AGAP1: variants seen among roughly 807,000 people sequenced by gnomAD.
The protein encoded by AGAP1 is arf-GAP with GTPase, ANK repeat and PH domain-containing protein 1.
AGAP1 carries 29 observed loss-of-function variants against 105.3 expected under a neutral mutation model. The observed-to-expected ratio is 0.28, with a 90% CI of 0.21 to 0.38. AGAP1 has a LOEUF of 0.38. Among genes scored for constraint, AGAP1 ranks in the 10% least tolerant of loss-of-function variants. AGAP1 has a pLI of 1.00. For synonymous variants in AGAP1, 509 were observed against 485.9 expected (o/e 1.05, Z -0.63); for missense variants, 998 against 1,165.1 (o/e 0.86, Z 2.09).
At chr2:235,680,890 G>C in intron 1 of AGAP1, among the ~76,000 whole-genome samples, 1 of 152,192 alleles carries the variant, frequency 6.6e-6, no homozygotes, top group Non-Finnish European at 1.5e-5. Flanking sequence ...GCTGACACTG[G>C]GACTGTGAAC....
chr2:235,951,733 T>C lies in AGAP1; in HGVS notation c.1484-16729T>C, dbSNP rs1469454977. 1.3e-5 allele frequency among the ~76,000 whole-genome samples: 2 copies of C among 152,182 alleles called. No homozygotes were observed. The highest frequency in any genetic ancestry group is 3.9e-4 in the East Asian group (2 of 5,180). On this transcript the variant is annotated intron_variant, in intron 12 of 17. Transcript: ENST00000304032. The surrounding 1 kb of genome is among the most constrained non-coding windows in gnomAD (Gnocchi z 4.2). ...TTGGTACAAAATAAACATTTCCTCCTATCCTGGATGACTGGAGCCTTGGGC... is the reference window on the plus strand; with the variant it reads ...TTGGTACAAAATAAACATTTCCTCCCATCCTGGATGACTGGAGCCTTGGGC...
intron 5 of AGAP1, among the ~76,000 whole-genome samples, chr2:235,749,918 C>A (rs1953291017): frequency 6.6e-6 from 1 of 152,184 alleles, no homozygotes; most frequent in Non-Finnish European, 1.5e-5. Flanking sequence ...CAAATGGGGG[C>A]TCAGTGAGCA....
chr2:235,708,841 C>A (rs1367316415), intron 1 of AGAP1, among the ~76,000 whole-genome samples: 1 of 152,208 alleles, frequency 6.6e-6, no homozygotes, highest in African/African-American at 2.4e-5. Flanking sequence ...CCACACTTGC[C>A]AACAGGCACA....
At chr2:236,052,784 T>C (rs988295562) in intron 16 of AGAP1, among the ~76,000 whole-genome samples, 7 of 152,124 alleles carry the variant, frequency 4.6e-5, no homozygotes, top group African/African-American at 1.2e-4. Flanking sequence ...CCCTCTGTAA[T>C]GGGGGTTTAA....
chr2:235,784,998 T>C (rs1956533406), intron 6 of AGAP1, among the ~76,000 whole-genome samples: 1 of 152,230 alleles, frequency 6.6e-6, no homozygotes, highest in South Asian at 2.1e-4. Context: ...ATACATTGTA[T>C]AATTCAACCT....
At chr2:235,990,329 C>T (rs1314546488) in intron 13 of AGAP1, among the ~76,000 whole-genome samples, 4 of 152,202 alleles carry the variant, frequency 2.6e-5, no homozygotes, top group South Asian at 2.1e-4. Context: ...CCTGCAAAGA[C>T]GCTTCCCTGC....
At chr2:235,949,222 A>T (rs1315882097) in intron 12 of AGAP1, among the ~76,000 whole-genome samples, 1 of 152,202 alleles carries the variant, frequency 6.6e-6, no homozygotes, top group Non-Finnish European at 1.5e-5. Context: ...CCAAAATCCG[A>T]AGGGCTCCAT....
intron 13 of AGAP1, among the ~76,000 whole-genome samples, chr2:236,026,411 T>A (rs2057055443): frequency 6.6e-6 from 1 of 152,266 alleles, no homozygotes; most frequent in East Asian, 1.9e-4. Flanking sequence ...CTGACCTGAT[T>A]GTGTGACTGG....
In AGAP1 at chr2:235,964,750, C is replaced by T. The variant is rs1315175382; in HGVS notation, c.1484-3712C>T. ...TCAGAAATACATATAAGAACCACTA[C>T]TTTAGAAATATCAGTATTGTAAAAT... is the stretch of plus-strand genomic sequence containing the variant. On this transcript the variant is annotated intron_variant, in intron 12 of 17. Coordinates refer to ENST00000304032, the MANE Select transcript of AGAP1 (RefSeq NM_001037131.3). The surrounding 1 kb of genome is among the most constrained non-coding windows in gnomAD (Gnocchi z 4.6). Among the ~76,000 whole-genome samples, 1 of 152,060 alleles carries T rather than the reference C, an allele frequency of 6.6e-6. No homozygotes were observed. The highest frequency in any genetic ancestry group is 1.5e-5 in the Non-Finnish European group (1 of 68,032).
At chr2:235,544,778 G>A (rs1011401006) in intron 1 of AGAP1, among the ~76,000 whole-genome samples, 4 of 152,150 alleles carry the variant, frequency 2.6e-5, no homozygotes, top group Non-Finnish European at 5.9e-5. Flanking sequence ...TCCAGTTGAT[G>A]TAAAATCTGT....
rs549180440 is a variant in AGAP1, at chr2:236,069,916, C to CT, written c.2114+20636dup. ...AAAATTTGGTTAGATTTTTAATAAG[C>CT]TATCTATGACATCAGAGCCGTAGAG... On this transcript the variant is annotated intron_variant, in intron 16 of 17. Coordinates refer to ENST00000304032, the MANE Select transcript of AGAP1 (RefSeq NM_001037131.3). 2.1e-3 allele frequency among the ~76,000 whole-genome samples: 327 copies of CT among 152,324 alleles called. 1 individual carries two copies. Among genetic ancestry groups the CT allele is most frequent in the Non-Finnish European group, 3.9e-3 (265 of 68,036 alleles).
At chr2:235,699,220 C>T (rs570737371) in intron 1 of AGAP1, among the ~76,000 whole-genome samples, 35 of 152,250 alleles carry the variant, frequency 2.3e-4, no homozygotes, top group African/African-American at 7.9e-4. Flanking sequence ...GGCATGGGAA[C>T]AGCGGATGAG....
intron 1 of AGAP1, among the ~76,000 whole-genome samples, chr2:235,603,280 C>T (rs1945798843): frequency 6.6e-6 from 1 of 152,184 alleles, no homozygotes; most frequent in Non-Finnish European, 1.5e-5. Flanking sequence ...ATTGTGAGGC[C>T]TCCCCAGCCA....
At position 235,927,612 on chromosome 2, in the gene AGAP1, G is replaced by A. The variant is rs2052516754; in HGVS notation, c.1325-3153G>A. Among the ~76,000 whole-genome samples the A allele has an allele frequency of 6.6e-6, 1 of 152,210 alleles. No homozygotes were observed. Among genetic ancestry groups the A allele is most frequent in the African/African-American group, 2.4e-5 (1 of 41,452 alleles). On this transcript the variant is annotated intron_variant, in intron 11 of 17. Transcript: ENST00000304032. This position sits in a 1 kb window ranked among gnomAD's most constrained non-coding sequence, Gnocchi z 4.4. ...TGGAACATTTCGTGGTCCCTTGTCT[G>A]GGGTTGAGATTGACTTGGCTCTCCT... is the stretch of plus-strand genomic sequence containing the variant.
intron 9 of AGAP1, among the ~76,000 whole-genome samples, chr2:235,859,379 C>T (rs1209761109): frequency 1.7e-5 from 2 of 119,128 alleles, no homozygotes; most frequent in African/African-American, 5.8e-5. Context: ...ATCTGCAACT[C>T]TCCCCCCACA....
chr2:236,075,185 G>T (rs2125812960), intron 16 of AGAP1, among the ~76,000 whole-genome samples: 1 of 152,328 alleles, frequency 6.6e-6, no homozygotes, highest in East Asian at 1.9e-4. Context: ...TTTCAGGTGG[G>T]CATGAGGAAT....
At chr2:235,821,073 CT>C (rs1329520194) in intron 9 of AGAP1, among the ~76,000 whole-genome samples, 3 of 152,024 alleles carry the variant, frequency 2.0e-5, no homozygotes, top group Non-Finnish European at 2.9e-5. Flanking sequence ...GAATAATTCA[CT>C]AGGAGAAAGG....
chr2:235,526,136 TTTATAAA>T (rs1559224135), intron 1 of AGAP1, among the ~76,000 whole-genome samples: 1 of 122,630 alleles, frequency 8.2e-6, no homozygotes, highest in Non-Finnish European at 1.7e-5. Context: ...GGAGGACTGA[TTTATAAA>T]GTAGAGGACT....
At chr2:235,497,518 A>AT (rs1941369338) in intron 1 of AGAP1, among the ~76,000 whole-genome samples, 3 of 152,124 alleles carry the variant, frequency 2.0e-5, no homozygotes, top group South Asian at 4.1e-4. Flanking sequence ...CCAGCTAGGG[A>AT]TTTTTTCCCC....
Sources: gnomAD v4.1 joint callset for allele counts (sites outside exome capture counted in the v4.1 genomes callset) on GRCh38, gnomAD v4.1.1 for gene constraint, Gnocchi (gnomAD v3.1) non-coding constraint, MANE v1.5 for transcripts, NCBI Gene and HGNC (gene_info 2026-07-23, HGNC 2026-07-21) for gene names.